Variants in GLRA3 observed in about 807,000 individuals in gnomAD.
GLRA3 encodes the protein glycine receptor alpha 3, also known as glycine receptor subunit alpha-3.
GLRA3 carries 44 observed loss-of-function variants against 60.4 expected under a neutral mutation model. The ratio of observed to expected loss-of-function variants is 0.73; its 90% CI spans 0.57 to 0.94. GLRA3 has a LOEUF of 0.94. GLRA3 is among the 40% of genes least tolerant of loss of function. The pLI is 0.00. For synonymous variants in GLRA3, 223 were observed against 192.9 expected (o/e 1.16, Z -1.29); for missense variants, 508 against 564.6 (o/e 0.90, Z 1.02).
chr4:174,821,639 A>C (rs936300569), intron 1 of GLRA3, among the ~76,000 whole-genome samples: 19 of 152,282 alleles, frequency 1.2e-4, no homozygotes, highest in African/African-American at 4.3e-4. Context: ...AAATGTCTAC[A>C]AAAGGTGCTT....
intron 5 of GLRA3, among the ~76,000 whole-genome samples, chr4:174,698,777 T>C (rs1372053613): frequency 1.3e-5 from 2 of 152,166 alleles, no homozygotes; most frequent in African/African-American, 4.8e-5. Flanking sequence ...AAAAAATGTC[T>C]ATTATTGCAA....
At position 174,726,945 on chromosome 4, in the gene GLRA3, G is replaced by C. The variant is rs143460248; in HGVS notation, c.491+1530C>G. Among the ~76,000 whole-genome samples the C allele has an allele frequency of 6.8e-3, 1,035 of 152,178 alleles. 14 individuals are homozygous for C. The highest frequency in any genetic ancestry group is 0.024 in the African/African-American group (1,002 of 41,506). The stretch of plus-strand genomic sequence containing the variant: ...CACCATTAATTTACTCATCCATATG[G>C]GAGTATAGGGCTTATTAGTGGTGGA... On this transcript the variant is annotated intron_variant, in intron 4 of 9. Coordinates refer to ENST00000274093, the MANE Select transcript of GLRA3 (RefSeq NM_006529.4).
At chr4:174,671,367 C>T (rs2110933170) in intron 7 of GLRA3, among the ~76,000 whole-genome samples, 1 of 152,164 alleles carries the variant, frequency 6.6e-6, no homozygotes, top group South Asian at 2.1e-4. Flanking sequence ...ACAATGTACT[C>T]TCCTTTAAAA....
At chr4:174,699,808 AT>A (rs1379461411) in intron 5 of GLRA3, among the ~76,000 whole-genome samples, 1 of 8,968 alleles carries the variant, frequency 1.1e-4, no homozygotes, top group Non-Finnish European at 4.5e-4. Context: ...TAATTATTTA[AT>A]TAATAATTAA....
At chr4:174,735,726 A>G (rs1317897271) in intron 3 of GLRA3, among the ~76,000 whole-genome samples, 1 of 151,848 alleles carries the variant, frequency 6.6e-6, no homozygotes, top group Non-Finnish European at 1.5e-5. Context: ...GCGTCCATGT[A>G]ATTTTTGGAT....
At chr4:174,744,355 C>T (rs1048183555) in intron 3 of GLRA3, among the ~76,000 whole-genome samples, 2 of 152,224 alleles carry the variant, frequency 1.3e-5, no homozygotes, top group African/African-American at 4.8e-5. Context: ...CTGCCTGGTC[C>T]TACTGACACA....
At chr4:174,668,570 A>G (rs1275626703) in intron 7 of GLRA3, among the ~76,000 whole-genome samples, 1 of 152,200 alleles carries the variant, frequency 6.6e-6, no homozygotes, top group Non-Finnish European at 1.5e-5. Flanking sequence ...ATGGGCAAAG[A>G]TATATTTGAT....
intron 3 of GLRA3, among the ~76,000 whole-genome samples, chr4:174,744,372 G>C (rs922243074): frequency 1.3e-5 from 2 of 152,234 alleles, no homozygotes; most frequent in Non-Finnish European, 2.9e-5. Flanking sequence ...CACAGGTGCT[G>C]GTGTATGCTG....
intron 3 of GLRA3, among the ~76,000 whole-genome samples, chr4:174,752,200 G>T (rs1448873656): frequency 6.6e-6 from 1 of 152,100 alleles, no homozygotes; most frequent in Non-Finnish European, 1.5e-5. Flanking sequence ...ACAAGCATAC[G>T]ATGTAGGGTA....
chr4:174,652,309 AAAAT>A (rs1733048603), intron 9 of GLRA3, among the ~76,000 whole-genome samples: 1 of 152,138 alleles, frequency 6.6e-6, no homozygotes, highest in South Asian at 2.1e-4. Context: ...CAAGGAATAA[AAAAT>A]AAGTCTAGAA....
intron 5 of GLRA3, among the ~76,000 whole-genome samples, chr4:174,696,779 C>T (rs1203086534): frequency 6.6e-6 from 1 of 151,856 alleles, no homozygotes; most frequent in East Asian, 1.9e-4. Flanking sequence ...TAGGTACATA[C>T]ACATATGTAT....
chr4:174,720,162 T>G (rs548077222), intron 4 of GLRA3, among the ~76,000 whole-genome samples: 11 of 152,258 alleles, frequency 7.2e-5, no homozygotes, highest in African/African-American at 2.4e-4. Context: ...TTAGTAATAT[T>G]AGTAAAGTAA....
rs933297873 is a variant in GLRA3 at position 174,704,147 on chromosome 4, T to C, written c.574+11341A>G. ...CCATCTCTATCAAAAATACAAAAAT[T>C]AGCCAGATGTAGTGGTGTATGTCTG... On this transcript the variant is annotated intron_variant, in intron 5 of 9. Transcript: ENST00000274093. Among the ~76,000 whole-genome samples the C allele has an allele frequency of 2.1e-5, 3 of 142,346 alleles. 1 individual carries two copies. Among genetic ancestry groups the C allele is most frequent in the Non-Finnish European group, 4.7e-5 (3 of 64,194 alleles). The allele number at this position is 142,346 out of a possible 152,430, so 93.4% of individuals were successfully genotyped here.
chr4:174,775,837 C>T (rs6820935), intron 2 of GLRA3, among the ~76,000 whole-genome samples: 7,954 of 151,722 alleles, frequency 0.052, 246 homozygotes, highest in African/African-American at 0.069. Context: ...ATAAAAATGA[C>T]ATTACATAAT....
intron 5 of GLRA3, among the ~76,000 whole-genome samples, chr4:174,687,490 T>C (rs1000806796): frequency 4.6e-5 from 7 of 152,174 alleles, no homozygotes; most frequent in African/African-American, 1.7e-4. Context: ...AAATACTATT[T>C]TTTATGTGAA....
intron 6 of GLRA3, among the ~76,000 whole-genome samples, chr4:174,679,969 C>T (rs865803947): frequency 1.3e-5 from 2 of 152,030 alleles, no homozygotes; most frequent in South Asian, 2.1e-4. Context: ...AATACTTTAT[C>T]GTACATTTCA....
intron 4 of GLRA3, among the ~76,000 whole-genome samples, chr4:174,724,307 T>A (rs1395295592): frequency 1.3e-5 from 2 of 151,990 alleles, no homozygotes; most frequent in East Asian, 3.9e-4. Context: ...CATATGTAAT[T>A]TAGATTCCTA....
intron 9 of GLRA3, among the ~76,000 whole-genome samples, chr4:174,644,324 A>G (rs1002599422): frequency 2.0e-5 from 3 of 151,692 alleles, no homozygotes; most frequent in Non-Finnish European, 4.4e-5. Context: ...AAATTCTGAT[A>G]TTTTCTACAT....
intron 3 of GLRA3, 132 bp from the exon 4 acceptor site, chr4:174,728,830 T>G (rs1400285873): frequency 1.7e-6 from 1 of 589,702 alleles, no homozygotes; most frequent in East Asian, 2.8e-5. Flanking sequence ...ACGGGGTGTA[T>G]AGTTAATGGA....
Sources: gnomAD v4.1 joint callset for allele counts (sites outside exome capture counted in the v4.1 genomes callset) on GRCh38, gnomAD v4.1.1 for gene constraint, MANE v1.5 for transcripts, NCBI Gene and HGNC (gene_info 2026-07-23, HGNC 2026-07-21) for gene names.